The following TAOK3 variants were observed in gnomAD, a reference collection of about 807,000 sequenced individuals.
The protein encoded by TAOK3 is TAO kinase 3, also known as serine/threonine-protein kinase TAO3.
Under a neutral mutation model 120.4 loss-of-function variants are expected in TAOK3, and 40 were observed. The observed-to-expected ratio is 0.33, with a 90% CI of 0.26 to 0.43. The LOEUF is 0.43. TAOK3 is among the 20% of genes least tolerant of loss of function. The probability of loss-of-function intolerance (pLI) is 1.00; values close to 1 mark genes in which losing one functional copy is unlikely to be tolerated. For missense variants in TAOK3, 821 were observed against 1,112.1 expected (o/e 0.74, Z 3.72); for synonymous variants, 355 against 387.5 (o/e 0.92, Z 0.99).
At chr12:118,152,705 T>G in intron 19 of TAOK3, 1 of 309,836 alleles carries the variant, frequency 3.2e-6, no homozygotes, top group Non-Finnish European at 6.0e-6. Context: ...GAATTACAGC[T>G]ACACCATCCA....
chr12:118,151,285 G>GTGCACACACA, intron 20 of TAOK3, 127 bp from the exon 21 acceptor site: 1 of 612,496 alleles, frequency 1.6e-6, no homozygotes, highest in South Asian at 2.6e-5. Context: ...AAGTGCGCGC[G>GTGCACACACA]CGCGCACACA....
chr12:118,184,566 T>A (rs773818288), intron 14 of TAOK3, among the ~76,000 whole-genome samples: 1 of 152,206 alleles, frequency 6.6e-6, no homozygotes, highest in Non-Finnish European at 1.5e-5. Context: ...GAAATTCATA[T>A]CACCAAGGCA....
At chr12:118,349,773 AAAAAAACAC>A (rs2045054578) in intron 1 of TAOK3, among the ~76,000 whole-genome samples, 1 of 152,190 alleles carries the variant, frequency 6.6e-6, no homozygotes, top group Non-Finnish European at 1.5e-5. Context: ...ATCTAAATTA[AAAAAAACAC>A]AAAAAACAGT....
intron 1 of TAOK3, chr12:118,296,901 A>G (rs1469634566): frequency 6.6e-6 from 1 of 152,224 alleles, no homozygotes; most frequent in African/African-American, 2.4e-5. Context: ...AAATAGAGCC[A>G]CTGGCTACTA....
At chr12:118,308,824 G>C (rs567220554) in intron 1 of TAOK3, among the ~76,000 whole-genome samples, 2 of 151,204 alleles carry the variant, frequency 1.3e-5, no homozygotes, top group Non-Finnish European at 2.9e-5. Flanking sequence ...CAGCTACTTG[G>C]GAGGCTGAGG....
chr12:118,202,358 T>C lies in TAOK3; in HGVS notation c.820-895A>G, dbSNP rs181876276. Among the ~76,000 whole-genome samples, 13 of 152,208 alleles carry C rather than the reference T, an allele frequency of 8.5e-5. No homozygotes were observed. In the East Asian group the frequency reaches 2.5e-3, roughly 29 times the overall value. ...ACAGGTATTTTTATGAGGTGCTGAC[T>C]TCATTTTCTTCAGGTATATAACCAG... On this transcript the variant is annotated intron_variant, in intron 11 of 20. Coordinates refer to ENST00000392533, the MANE Select transcript of TAOK3 (RefSeq NM_016281.4).
rs1007653924 is a variant in TAOK3 at position 118,307,170 on chromosome 12, G to T, written c.-193-40411C>A. ...GACCAATTGTGCAAGAAGCAATGAG[G>T]TTTTGAGCACGGTTTTTTACCACTT... On this transcript the variant is annotated intron_variant, in intron 1 of 20. Coordinates refer to ENST00000392533, the MANE Select transcript of TAOK3 (RefSeq NM_016281.4). 7.9e-5 allele frequency among the ~76,000 whole-genome samples: 12 copies of T among 152,226 alleles called. No individual in the cohort carries two copies. In the South Asian group the frequency reaches 8.3e-4, roughly 11 times the overall value.
At chr12:118,340,874 T>A (rs1218692537) in intron 1 of TAOK3, among the ~76,000 whole-genome samples, 1 of 151,792 alleles carries the variant, frequency 6.6e-6, no homozygotes, top group African/African-American at 2.4e-5. Flanking sequence ...GCACAGGTAG[T>A]CAAGGCTGCA....
intron 14 of TAOK3, among the ~76,000 whole-genome samples, chr12:118,185,473 A>G (rs1485319912): frequency 6.6e-6 from 1 of 152,136 alleles, no homozygotes; most frequent in Non-Finnish European, 1.5e-5. Context: ...AAGATTAATA[A>G]TATGTAGGAA....
intron 1 of TAOK3, among the ~76,000 whole-genome samples, chr12:118,363,246 G>A (rs2045654247): frequency 6.6e-6 from 1 of 151,960 alleles, no homozygotes; most frequent in Non-Finnish European, 1.5e-5. Context: ...GGTCACAAGT[G>A]AATTCTTCTC....
At chr12:118,180,943 C>T (rs922583349) in intron 15 of TAOK3, among the ~76,000 whole-genome samples, 21 of 151,678 alleles carry the variant, frequency 1.4e-4, no homozygotes, top group Non-Finnish European at 2.8e-4. Context: ...CTTCCAGGTT[C>T]AAGCAATTCT....
chr12:118,310,100 T>C (rs549588738), intron 1 of TAOK3, among the ~76,000 whole-genome samples: 1 of 152,070 alleles, frequency 6.6e-6, no homozygotes, highest in East Asian at 1.9e-4. Context: ...CTGAATAACA[T>C]GGCAAAACCC....
intron 1 of TAOK3, among the ~76,000 whole-genome samples, chr12:118,323,306 T>C (rs1260544925): frequency 2.6e-5 from 4 of 152,112 alleles, no homozygotes; most frequent in Non-Finnish European, 5.9e-5. Flanking sequence ...ATTTAATATA[T>C]ATGTTGCCTC....
rs554392809 is a variant in TAOK3 at position 118,270,776 on chromosome 12, G to A, written c.-193-4017C>T. On this transcript the variant is annotated intron_variant, in intron 1 of 20. Transcript: ENST00000392533. Reference sequence around the variant, plus strand: ...TGCAAGCTCCGCCTCCCGGGTTCACGCCATTCTCCTGTCTCAGCCTCCCCA... The same window carrying A: ...TGCAAGCTCCGCCTCCCGGGTTCACACCATTCTCCTGTCTCAGCCTCCCCA... Among the ~76,000 whole-genome samples, 8 of 149,852 alleles carry A rather than the reference G, an allele frequency of 5.3e-5. No homozygotes were observed. In the East Asian group the frequency reaches 1.4e-3, roughly 26 times the overall value.
chr12:118,199,153 C>G lies in TAOK3; in HGVS notation c.1092G>C (p.Val364=), dbSNP rs2037896062. Residue 364 remains valine (V), a synonymous_variant, in exon 13 of 21, where the codon GTG becomes GTC. Transcript: ENST00000392533. Reference sequence around the variant, plus strand: ...CGTCCATGACTTCCTGCATGCTGTTCACACTGCTGCTCTGGCTGCCTGTGC... The same window carrying G: ...CGTCCATGACTTCCTGCATGCTGTTGACACTGCTGCTCTGGCTGCCTGTGC... ...SVSTGSQSSS[V]NSMQEVMDES... 1 of 1,614,066 alleles carries G rather than the reference C, an allele frequency of 6.2e-7. No individual in the cohort carries two copies.
At chr12:118,295,225 G>C (rs1272752412) in intron 1 of TAOK3, 2 of 147,824 alleles carry the variant, frequency 1.4e-5, no homozygotes, top group African/African-American at 4.9e-5. Context: ...ATTTTTAATA[G>C]AGATGGGGTC....
At chr12:118,244,431 A>G (rs770377704) in intron 4 of TAOK3, among the ~76,000 whole-genome samples, 2 of 152,146 alleles carry the variant, frequency 1.3e-5, no homozygotes, top group Non-Finnish European at 2.9e-5. Context: ...ACACATTTGT[A>G]TGAAAAACTT....
At chr12:118,306,885 A>G (rs1365111899) in intron 1 of TAOK3, among the ~76,000 whole-genome samples, 1 of 152,184 alleles carries the variant, frequency 6.6e-6, no homozygotes, top group African/African-American at 2.4e-5. Flanking sequence ...GCACTATCCA[A>G]TAATGGTAGC....
intron 14 of TAOK3, among the ~76,000 whole-genome samples, chr12:118,182,599 G>GTGTATATA (rs1440847647): frequency 2.1e-5 from 2 of 93,902 alleles, no homozygotes; most frequent in African/African-American, 4.8e-5. Context: ...GTGTGTGTGT[G>GTGTATATA]TATATATATA....
Sources: gnomAD v4.1 joint callset for allele counts (sites outside exome capture counted in the v4.1 genomes callset) on GRCh38, gnomAD v4.1.1 for gene constraint, MANE v1.5 for transcripts, NCBI Gene and HGNC (gene_info 2026-07-23, HGNC 2026-07-21) for gene names.